SOX5: variants seen among roughly 807,000 people sequenced by gnomAD.
The protein encoded by SOX5 is transcription factor SOX-5.
SOX5 carries 9 observed loss-of-function variants against 92.0 expected under a neutral mutation model. The ratio of observed to expected loss-of-function variants is 0.10; its 90% CI spans 0.06 to 0.17. SOX5 has a LOEUF of 0.17. SOX5 is among the 10% of genes least tolerant of loss of function. SOX5 has a pLI of 1.00. For missense variants in SOX5, 642 were observed against 944.5 expected (o/e 0.68, Z 4.20); for synonymous variants, 344 against 336.3 (o/e 1.02, Z -0.25).
At chr12:24,409,603 G>A (rs1257614308) in intron 1 of SOX5, among the ~76,000 whole-genome samples, 2 of 152,106 alleles carry the variant, frequency 1.3e-5, no homozygotes, top group East Asian at 3.8e-4. Context: ...GATGAATGTT[G>A]TTTTTTCCTC....
chr12:23,618,983 G>A (rs1213240339), intron 8 of SOX5, among the ~76,000 whole-genome samples: 1 of 152,146 alleles, frequency 6.6e-6, no homozygotes, highest in Non-Finnish European at 1.5e-5. Context: ...GTCAGTAGTA[G>A]CAGAACTCAA....
chr12:24,386,379 A>G (rs1279002368), intron 1 of SOX5, among the ~76,000 whole-genome samples: 1 of 152,170 alleles, frequency 6.6e-6, no homozygotes, highest in Admixed American at 6.5e-5. Flanking sequence ...CTTTTATAGT[A>G]CCTCAAACCA....
At chr12:23,593,514 T>C (rs1434399984) in intron 9 of SOX5, among the ~76,000 whole-genome samples, 4 of 152,168 alleles carry the variant, frequency 2.6e-5, no homozygotes, top group Admixed American at 6.5e-5. Context: ...CACTACCATA[T>C]TGTATGTACA....
At chr12:24,387,461 T>C (rs1009152657) in intron 1 of SOX5, among the ~76,000 whole-genome samples, 2 of 152,162 alleles carry the variant, frequency 1.3e-5, no homozygotes, top group African/African-American at 2.4e-5. Context: ...AGCCAAAAGA[T>C]TGGATACCCC....
At chr12:23,733,353 C>T (rs1416415541) in intron 6 of SOX5, among the ~76,000 whole-genome samples, 1 of 152,072 alleles carries the variant, frequency 6.6e-6, no homozygotes, top group Non-Finnish European at 1.5e-5. Context: ...AACCAGGTAC[C>T]ATCGACTAAA....
intron 8 of SOX5, among the ~76,000 whole-genome samples, chr12:23,628,860 T>C (rs1192075393): frequency 6.6e-6 from 1 of 151,942 alleles, no homozygotes; most frequent in East Asian, 1.9e-4. Flanking sequence ...TTTCAAGTCT[T>C]GTGAAGACAC....
chr12:23,548,578 G>A (rs537297637), intron 11 of SOX5, among the ~76,000 whole-genome samples: 1 of 152,120 alleles, frequency 6.6e-6, no homozygotes, highest in South Asian at 2.1e-4. Flanking sequence ...AATGGAGAAT[G>A]TGAGGTATGC....
At chr12:23,893,932 G>A (rs959295023) in intron 2 of SOX5, among the ~76,000 whole-genome samples, 4 of 152,170 alleles carry the variant, frequency 2.6e-5, no homozygotes, top group African/African-American at 9.7e-5. Flanking sequence ...CAAAGAAATA[G>A]ATAATCAGAA....
chr12:24,102,071 T>G (rs554704302), intron 4 of SOX5, among the ~76,000 whole-genome samples: 17 of 152,186 alleles, frequency 1.1e-4, no homozygotes, highest in Non-Finnish European at 2.2e-4. Context: ...CTCCATTAAA[T>G]TATCTATTTT....
chr12:23,559,934 G>A (rs971708226), intron 11 of SOX5, among the ~76,000 whole-genome samples: 4 of 152,016 alleles, frequency 2.6e-5, no homozygotes, highest in Non-Finnish European at 5.9e-5. Context: ...TATTTGAGAT[G>A]GAGTCTTGCC....
At chr12:24,194,106 G>A (rs952494986) in intron 4 of SOX5, among the ~76,000 whole-genome samples, 2 of 152,144 alleles carry the variant, frequency 1.3e-5, no homozygotes, top group African/African-American at 4.8e-5. Context: ...AGTTCTAATT[G>A]ACAATAAAAG....
Position 24,197,298 on chromosome 12 carries a change from C to T in SOX5, c.-2+16045G>A, listed in dbSNP as rs189949758. ...TTCCGTCAGAAGATGAGTGCCCTTC[C>T]AGTCAAGAGATATATGATGTGGGCC... On this transcript the variant is annotated intron_variant, in intron 4 of 4. Transcript: ENST00000446891. 4.8e-3 allele frequency among the ~76,000 whole-genome samples: 733 copies of T among 152,210 alleles called. 2 individuals are homozygous for T. Among genetic ancestry groups the T allele is most frequent in the Non-Finnish European group, 6.4e-3 (436 of 68,008 alleles).
At chr12:23,952,009 T>C (rs538878809), upstream of SOX5, among the ~76,000 whole-genome samples, 64 of 152,306 alleles carry the variant, frequency 4.2e-4, no homozygotes, top group Non-Finnish European at 7.9e-4. Flanking sequence ...ATACAAAAAT[T>C]ATATTTTTCT....
chr12:23,664,702 C>T lies in SOX5; in HGVS notation c.931+742G>A, dbSNP rs899078976. Among the ~76,000 whole-genome samples the T allele has an allele frequency of 9.2e-5, 14 of 152,194 alleles. No individual in the cohort carries two copies. In the East Asian group the frequency reaches 2.5e-3, roughly 27 times the overall value. ...TTAATAAGCAATATAAACAGTTATCCTAGTATATCACGTAGCTCCAAAAAT... is the reference window on the plus strand; with the variant it reads ...TTAATAAGCAATATAAACAGTTATCTTAGTATATCACGTAGCTCCAAAAAT... On this transcript the variant is annotated intron_variant, in intron 7 of 14. Transcript: ENST00000451604.
intron 3 of SOX5, among the ~76,000 whole-genome samples, chr12:24,258,247 A>G (rs1175207719): frequency 2.0e-5 from 3 of 152,150 alleles, no homozygotes; most frequent in Non-Finnish European, 4.4e-5. Context: ...ACCCTTAAAC[A>G]TTCCTGAATT....
intron 4 of SOX5, among the ~76,000 whole-genome samples, chr12:24,035,874 A>T (rs866700263): frequency 6.6e-6 from 1 of 152,116 alleles, no homozygotes; most frequent in Middle Eastern, 3.4e-3. Context: ...GGCCAGGGTA[A>T]AACTTTGCAT....
In SOX5 at chr12:24,308,299, C is replaced by A. The variant is rs116411444; in HGVS notation, c.-173-30987G>T. Among the ~76,000 whole-genome samples, 1,158 of 152,302 alleles carry A rather than the reference C, an allele frequency of 7.6e-3. 10 individuals are homozygous for A. Among genetic ancestry groups the A allele is most frequent in the African/African-American group, 0.027 (1,106 of 41,560 alleles). On this transcript the variant is annotated intron_variant, in intron 2 of 4. Transcript: ENST00000446891. ...GAACCAGGGAAAAAGTAACGCAAGA[C>A]CCGGGAAGTATATGCCAACATATAA... is the stretch of plus-strand genomic sequence containing the variant.
intron 9 of SOX5, chr12:23,584,625 C>T: frequency 6.3e-7 from 1 of 1,575,692 alleles, no homozygotes; most frequent in Non-Finnish European, 8.7e-7. Flanking sequence ...TGAGTAATGA[C>T]AGTTACGACA....
intron 1 of SOX5, among the ~76,000 whole-genome samples, chr12:24,437,161 CA>C (rs1364680097): frequency 6.6e-6 from 1 of 151,148 alleles, no homozygotes; most frequent in Non-Finnish European, 1.5e-5. Context: ...GCAGATCAAG[CA>C]GTAATTTTGG....
Sources: allele counts gnomAD v4.1 joint callset (sites outside exome capture counted in the v4.1 genomes callset), GRCh38; gene constraint gnomAD v4.1.1; transcripts MANE v1.5; gene names NCBI Gene and HGNC (gene_info 2026-07-23, HGNC 2026-07-21).